ALS2: variants seen among roughly 807,000 people sequenced by gnomAD.
ALS2 encodes the protein alsin Rho guanine nucleotide exchange factor ALS2.
ALS2 carries 117 observed loss-of-function variants against 203.4 expected under a neutral mutation model. That is an observed-to-expected ratio of 0.58 (90% confidence interval 0.50 to 0.67). The LOEUF is 0.67. ALS2 is among the 30% of genes least tolerant of loss of function. The pLI, the probability that ALS2 is intolerant of heterozygous loss-of-function variation, is 0.00. For synonymous variants in ALS2, 718 were observed against 725.9 expected (o/e 0.99, Z 0.17); for missense variants, 1,715 against 1,989.4 (o/e 0.86, Z 2.62).
chr2:201,731,959 T>A (rs1041590944), intron 13 of ALS2, among the ~76,000 whole-genome samples: 3 of 152,140 alleles, frequency 2.0e-5, no homozygotes, highest in African/African-American at 7.2e-5. Flanking sequence ...ATATAAAGCA[T>A]ATGAAAGCTA....
intron 6 of ALS2, among the ~76,000 whole-genome samples, chr2:201,754,063 T>A (rs1359633471): frequency 6.6e-6 from 1 of 151,864 alleles, no homozygotes; most frequent in African/African-American, 2.4e-5. Context: ...CAGGCTGAAG[T>A]GAAGTGGCAC....
intron 26 of ALS2, among the ~76,000 whole-genome samples, chr2:201,710,730 A>G (rs983104570): frequency 6.6e-6 from 1 of 152,246 alleles, no homozygotes; most frequent in Non-Finnish European, 1.5e-5. Flanking sequence ...AATGTTATTA[A>G]CAAAAAGCAA....
intron 1 of ALS2, among the ~76,000 whole-genome samples, chr2:201,773,930 T>C (rs781188793): frequency 9.2e-5 from 14 of 152,162 alleles, no homozygotes; most frequent in South Asian, 2.1e-4. Context: ...AAAGTGTCCA[T>C]TGGATTTGCC....
At chr2:201,704,407 CTT>C (rs1302951722) in intron 32 of ALS2, 45 bp downstream of exon 32, 2 of 1,583,470 alleles carry the variant, frequency 1.3e-6, no homozygotes, top group African/African-American at 1.4e-5. Flanking sequence ...AAGCAGCAGA[CTT>C]TTAAAAATAA....
At chr2:201,740,352 C>T (rs1017283724) in intron 11 of ALS2, among the ~76,000 whole-genome samples, 12 of 151,940 alleles carry the variant, frequency 7.9e-5, no homozygotes, top group African/African-American at 2.9e-4. Flanking sequence ...TACATAAACC[C>T]AAATATTTTA....
In ALS2 at chr2:201,758,760, A is replaced by ATGTGTGTG. The variant is rs775648737; in HGVS notation, c.1114-1009_1114-1002dup. Among the ~76,000 whole-genome samples the ATGTGTGTG allele has an allele frequency of 4.7e-3, 709 of 150,684 alleles. 4 individuals are homozygous for ATGTGTGTG. Among genetic ancestry groups the ATGTGTGTG allele is most frequent in the East Asian group, 0.014 (73 of 5,076 alleles). ...ACAAATATAATGTGTGTGTGTGCGC[A>ATGTGTGTG]TGTGTGTGTGTGTGTGTGTGTGTGT... is the stretch of plus-strand genomic sequence containing the variant. On this transcript the variant is annotated intron_variant, in intron 4 of 33. Transcript: ENST00000264276.
At position 201,741,861 on chromosome 2, in the gene ALS2, C is replaced by T. The variant is rs376270303; in HGVS notation, c.2171-7G>A. 189 of 1,608,210 alleles carry T rather than the reference C, an allele frequency of 1.2e-4. 1 individual carries two copies. The highest frequency in any genetic ancestry group is 1.6e-4 in the Non-Finnish European group (184 of 1,175,298). Reference sequence around the variant, plus strand: ...GTTGTAGTGCCCAAATTTTCTATAACAAAATAATGATGATGATGACAACAC... The same window carrying T: ...GTTGTAGTGCCCAAATTTTCTATAATAAAATAATGATGATGATGACAACAC... On this transcript the variant is annotated splice_polypyrimidine_tract_variant and splice_region_variant and intron_variant, in intron 10 of 33. Transcript: ENST00000264276.
At position 201,705,440 on chromosome 2, in the gene ALS2, C is replaced by G; in HGVS notation, c.4602G>C (p.Leu1534Phe). The G allele has an allele frequency of 6.2e-6, 10 of 1,613,552 alleles. No individual in the cohort carries two copies. Among genetic ancestry groups the G allele is most frequent in the Non-Finnish European group, 8.5e-6 (10 of 1,179,594 alleles). ...GVQRKFWPAT[L>F]SILGESKKVL... The stretch of plus-strand genomic sequence containing the variant: ...CCTTTTTACTCTCTCCAAGGATTGA[C>G]AAGGTTGCTGGCCAAAATTTCCTAT... Residue 1534 changes from leucine (L) to phenylalanine (F), a missense_variant, in exon 30 of 34, where the codon TTG becomes TTC. By Grantham distance (22) the Leu-to-Phe change is conservative. Around this residue, in one of 3 missense-constraint regions of ALS2, gnomAD observed 1,227 missense variants for 1,413.5 expected, o/e 0.87. Coordinates refer to ENST00000264276, the MANE Select transcript of ALS2 (RefSeq NM_020919.4).
rs151203483 is a variant in ALS2, at chr2:201,751,606, T to G, written c.1737+1540A>C. Among the ~76,000 whole-genome samples the G allele has an allele frequency of 5.9e-5, 9 of 152,336 alleles. No homozygotes were observed. The East Asian group carries it at 1.5e-3, about 26-fold the overall frequency. ...GTTGCAGATATTTTTACCCAGTTTG[T>G]TACGTATTTTCATTTTGTTTACACT... On this transcript the variant is annotated intron_variant, in intron 7 of 33. Transcript: ENST00000264276.
chr2:201,703,934 G>A (rs1312110929), intron 33 of ALS2, among the ~76,000 whole-genome samples, 188 bp downstream of exon 33: 1 of 152,092 alleles, frequency 6.6e-6, no homozygotes, highest in East Asian at 1.9e-4. Context: ...AGTATTTTGA[G>A]GAACAACTGG....
chr2:201,709,608 G>C (rs971436106), intron 27 of ALS2, among the ~76,000 whole-genome samples: 2 of 151,968 alleles, frequency 1.3e-5, no homozygotes, highest in African/African-American at 4.8e-5. Context: ...TAAATAAGAC[G>C]ACTACTATAC....
At chr2:201,706,127 T>C (rs1458484508) in intron 29 of ALS2, among the ~76,000 whole-genome samples, 1 of 152,120 alleles carries the variant, frequency 6.6e-6, no homozygotes, top group Non-Finnish European at 1.5e-5. Flanking sequence ...GGCTCACACC[T>C]GTAATCCCAG....
chr2:201,775,050 G>T (rs974029166), intron 1 of ALS2, among the ~76,000 whole-genome samples: 1 of 152,120 alleles, frequency 6.6e-6, no homozygotes, highest in African/African-American at 2.4e-5. Context: ...TCAATTACCG[G>T]TTTAAAATAG....
intron 6 of ALS2, among the ~76,000 whole-genome samples, chr2:201,753,463 A>T (rs779966963): frequency 4.6e-5 from 7 of 152,248 alleles, no homozygotes; most frequent in Non-Finnish European, 1.0e-4. Context: ...CCCATAATTT[A>T]GAATCTGTTA....
At chr2:201,724,824 A>C (rs1691046552) in intron 20 of ALS2, among the ~76,000 whole-genome samples, 1 of 152,112 alleles carries the variant, frequency 6.6e-6, no homozygotes, top group Non-Finnish European at 1.5e-5. Context: ...AAGGTATATA[A>C]AATTTAGGGC....
At chr2:201,716,008 T>C (rs1418404754) in intron 24 of ALS2, among the ~76,000 whole-genome samples, 169 bp from the exon 25 acceptor site, 1 of 152,210 alleles carries the variant, frequency 6.6e-6, no homozygotes, top group African/African-American at 2.4e-5. Context: ...TAAAGGAATG[T>C]TTTTTAGCTA....
chr2:201,757,305 C>A (rs1693458014), intron 5 of ALS2, 97 bp downstream of exon 5: 1 of 1,012,130 alleles, frequency 9.9e-7, no homozygotes, highest in Admixed American at 1.8e-5. Flanking sequence ...ATGTCAGCTT[C>A]ATAATTAGGA....
At chr2:201,766,747 G>T (rs895298380) in intron 3 of ALS2, among the ~76,000 whole-genome samples, 2 of 44,512 alleles carry the variant, frequency 4.5e-5, no homozygotes, top group African/African-American at 8.7e-5. Context: ...ATACACCATG[G>T]AATACTATGC....
At chr2:201,711,199 A>C in intron 25 of ALS2, 91 bp from the exon 26 acceptor site, 1 of 829,912 alleles carries the variant, frequency 1.2e-6, no homozygotes, top group Non-Finnish European at 2.1e-6. Context: ...CACTAGCTCC[A>C]GTCAAAGTGG....
Sources: gnomAD v4.1 joint callset for allele counts (sites outside exome capture counted in the v4.1 genomes callset) on GRCh38, gnomAD v4.1.1 for gene constraint, gnomAD v4.1.1 regional missense constraint, MANE v1.5 for transcripts, NCBI Gene and HGNC (gene_info 2026-07-23, HGNC 2026-07-21) for gene names.